LCORL: variants seen among roughly 807,000 people sequenced by gnomAD.
LCORL encodes ligand dependent nuclear receptor corepressor like.
LCORL carries 41 observed loss-of-function variants against 141.8 expected under a neutral mutation model. The observed-to-expected ratio is 0.29, with a 90% CI of 0.23 to 0.38. LCORL has a LOEUF of 0.38. Among genes scored for constraint, LCORL ranks in the 10% least tolerant of loss-of-function variants. The pLI is 1.00. For missense variants in LCORL, 1,759 were observed against 2,035.0 expected, an observed-to-expected ratio of 0.86 and a Z score of 2.61; for synonymous variants, 618 against 694.1, an observed-to-expected ratio of 0.89 and a Z score of 1.72.
intron 7 of LCORL, among the ~76,000 whole-genome samples, chr4:17,868,046 AC>A (rs1451127691): frequency 6.6e-6 from 1 of 152,196 alleles, no homozygotes; most frequent in African/African-American, 2.4e-5. Context: ...GAATACTTTA[AC>A]AGAATCAAAT....
rs751310445 is a variant in LCORL at position 17,884,391 on chromosome 4, T to C, written c.776+1677A>G. 1.5e-5 allele frequency: 23 copies of C among 1,548,612 alleles called. No homozygotes were observed. In the South Asian group the frequency reaches 1.9e-4, roughly 13 times the overall value. ...TGTAGAGTTAGCTGATGGAGGTAAG[T>C]GGAAGCTGTTGGGAATTTTATTTCT... On this transcript the variant is annotated intron_variant, in intron 6 of 7. Transcript: ENST00000635767. This position sits in a 1 kb window ranked among gnomAD's most constrained non-coding sequence, Gnocchi z 4.4.
intron 5 of LCORL, among the ~76,000 whole-genome samples, chr4:17,896,901 C>T (rs1292218151): frequency 6.6e-6 from 1 of 151,914 alleles, no homozygotes; most frequent in Non-Finnish European, 1.5e-5. Context: ...CTCTGGTAAC[C>T]ATCCTTCTAC....
At chr4:17,899,704 T>G (rs1412789772) in intron 5 of LCORL, among the ~76,000 whole-genome samples, 2 of 152,146 alleles carry the variant, frequency 1.3e-5, no homozygotes, top group Non-Finnish European at 2.9e-5. Flanking sequence ...AGTTATCTCT[T>G]TGGGGAGAGA....
intron 1 of LCORL, among the ~76,000 whole-genome samples, chr4:18,004,080 T>A (rs1470367274): frequency 2.6e-5 from 4 of 152,210 alleles, no homozygotes; most frequent in Non-Finnish European, 5.9e-5. Flanking sequence ...GGAACTCCAT[T>A]CTATAATTGC....
At chr4:18,012,679 G>GAA (rs147233383) in intron 1 of LCORL, among the ~76,000 whole-genome samples, 2 of 149,660 alleles carry the variant, frequency 1.3e-5, no homozygotes, top group African/African-American at 4.9e-5. Context: ...TTTTGAAGGG[G>GAA]AAAAAAAAAT....
At position 17,884,453 on chromosome 4, in the gene LCORL, C is replaced by T. The variant is rs745879765; in HGVS notation, c.776+1615G>A. On this transcript the variant is annotated intron_variant, in intron 6 of 7. Transcript: ENST00000635767. This position sits in a 1 kb window ranked among gnomAD's most constrained non-coding sequence, Gnocchi z 4.4. ...TAGATTGAGTTTACTTTTTTCTGTG[C>T]GCTCTGCTTGAGCTCTTGCCCACAA... 1.4e-5 allele frequency: 21 copies of T among 1,550,044 alleles called. No individual in the cohort carries two copies. Among genetic ancestry groups the T allele is most frequent in the Admixed American group, 5.9e-5 (3 of 50,766 alleles).
intron 1 of LCORL, among the ~76,000 whole-genome samples, chr4:17,985,207 T>C (rs1244195317): frequency 1.3e-5 from 2 of 152,054 alleles, no homozygotes; most frequent in African/African-American, 2.4e-5. Context: ...TTTTAGAGTA[T>C]GTGATGTGCC....
intron 5 of LCORL, among the ~76,000 whole-genome samples, chr4:17,905,457 G>C (rs1348707868): frequency 6.6e-6 from 1 of 151,772 alleles, no homozygotes; most frequent in African/African-American, 2.4e-5. Context: ...AAGGATTTTT[G>C]CATCTAGGTT....
chr4:17,886,343 AAGAAC>A (rs1210221957), intron 5 of LCORL, among the ~76,000 whole-genome samples, 182 bp from the exon 6 acceptor site: 3 of 152,048 alleles, frequency 2.0e-5, no homozygotes, highest in Non-Finnish European at 4.4e-5. Context: ...ATAGGAAAAA[AAGAAC>A]AGAGGAGGAG....
chr4:17,911,650 C>A, intron 4 of LCORL: 1 of 470,238 alleles, frequency 2.1e-6, no homozygotes, highest in South Asian at 1.7e-5. Flanking sequence ...GAGTCCTGTC[C>A]TCTCACTCTC....
intron 4 of LCORL, among the ~76,000 whole-genome samples, chr4:17,940,886 C>T (rs1238806216): frequency 6.6e-6 from 1 of 152,072 alleles, no homozygotes; most frequent in Non-Finnish European, 1.5e-5. Flanking sequence ...TAAATAGTAT[C>T]ATGAAAATTA....
At position 17,897,232 on chromosome 4, in the gene LCORL, T is replaced by C. The variant is rs1456398012; in HGVS notation, c.683-11071A>G. On this transcript the variant is annotated intron_variant, in intron 5 of 7. Coordinates refer to ENST00000635767, the Ensembl canonical transcript of LCORL. ...TGATTTCTTTTTTTTTTTTTTTTTT[T>C]TTTTTTTTTTTTTTTTTTTAGGGTA... is the stretch of plus-strand genomic sequence containing the variant. Among the ~76,000 whole-genome samples the C allele has an allele frequency of 3.6e-4, 48 of 134,460 alleles. 2 individuals are homozygous for C. Among genetic ancestry groups the C allele is most frequent in the South Asian group, 7.8e-4 (3 of 3,860 alleles). The allele number at this position is 134,460 out of a possible 152,430, so 88.2% of individuals were successfully genotyped here. A position where few individuals can be genotyped will look rare whatever the true frequency, so the allele number is the denominator to read the frequency against.
exon 8 of LCORL, chr4:17,841,422 A>G (rs1047333543): frequency 6.6e-6 from 1 of 151,972 alleles, no homozygotes; most frequent in Non-Finnish European, 1.5e-5. Context: ...TGTAACCAGT[A>G]AATTATTTAA....
chr4:17,844,128 A>AATAAT (rs1484586534), exon 8 of LCORL: 1 of 151,936 alleles, frequency 6.6e-6, no homozygotes, highest in African/African-American at 2.4e-5. Context: ...GGCATAACAA[A>AATAAT]ATAATATTTA....
intron 5 of LCORL, among the ~76,000 whole-genome samples, chr4:17,891,827 G>C (rs1338563289): frequency 6.6e-6 from 1 of 152,176 alleles, no homozygotes; most frequent in African/African-American, 2.4e-5. Flanking sequence ...TGGGAACAAT[G>C]GTGATCTTTG....
intron 1 of LCORL, among the ~76,000 whole-genome samples, chr4:18,014,068 A>G (rs1358098183): frequency 1.3e-5 from 2 of 152,122 alleles, no homozygotes; most frequent in Admixed American, 6.5e-5. Flanking sequence ...TCAGTCTCCC[A>G]AAGTGCTAGG....
intron 6 of LCORL, chr4:17,882,117 A>T (rs1000889466): frequency 5.3e-5 from 52 of 984,252 alleles, no homozygotes; most frequent in Non-Finnish European, 6.2e-5. Context: ...TAAACATGTA[A>T]GCAGTTTTAA....
intron 7 of LCORL, among the ~76,000 whole-genome samples, chr4:17,864,371 C>A (rs189483595): frequency 6.6e-6 from 1 of 152,036 alleles, no homozygotes; most frequent in African/African-American, 2.4e-5. Context: ...GCCACAGGCA[C>A]GTGCCACTAC....
At chr4:17,860,895 A>G (rs1255779902) in intron 7 of LCORL, among the ~76,000 whole-genome samples, 14 of 152,330 alleles carry the variant, frequency 9.2e-5, no homozygotes, top group Admixed American at 9.1e-4. Flanking sequence ...CTTTGACTCC[A>G]TGTCTCACAT....
Sources: gnomAD v4.1 joint callset for allele counts (sites outside exome capture counted in the v4.1 genomes callset) on GRCh38, gnomAD v4.1.1 for gene constraint, Gnocchi (gnomAD v3.1) non-coding constraint, MANE v1.5 for transcripts, NCBI Gene and HGNC (gene_info 2026-07-23, HGNC 2026-07-21) for gene names.